The following PCDH9 variants were observed in gnomAD, a reference collection of about 807,000 sequenced individuals.
PCDH9 encodes protocadherin 9.
A neutral mutation model predicts 70.6 loss-of-function variants in PCDH9; 24 were observed. The ratio of observed to expected loss-of-function variants is 0.34; its 90% CI spans 0.25 to 0.48. The LOEUF is 0.48. Among genes scored for constraint, PCDH9 ranks in the 20% least tolerant of loss-of-function variants. The probability of loss-of-function intolerance (pLI) is 0.99; values close to 1 mark genes in which losing one functional copy is unlikely to be tolerated. For missense variants in PCDH9, 1,281 were observed against 1,503.6 expected, an observed-to-expected ratio of 0.85 and a Z score of 2.45; for synonymous variants, 562 against 558.5, an observed-to-expected ratio of 1.01 and a Z score of -0.09.
intron 4 of PCDH9, among the ~76,000 whole-genome samples, chr13:66,508,839 T>G (rs191994904): frequency 6.6e-6 from 1 of 152,344 alleles, no homozygotes; most frequent in African/African-American, 2.4e-5. Context: ...TACTTTCTTT[T>G]GGAAAATTCT....
chr13:67,001,675 T>A (rs73507326), intron 2 of PCDH9, among the ~76,000 whole-genome samples: 2 of 152,106 alleles, frequency 1.3e-5, no homozygotes, highest in African/African-American at 4.8e-5. Flanking sequence ...GTACGCTTAG[T>A]GGGGCAGAGG....
At chr13:66,332,999 T>A (rs961790448) in intron 4 of PCDH9, among the ~76,000 whole-genome samples, 3 of 152,116 alleles carry the variant, frequency 2.0e-5, no homozygotes, top group Non-Finnish European at 4.4e-5. Flanking sequence ...CTTACATTGA[T>A]GCTGACAGAT....
chr13:67,015,701 C>G (rs1179709012), intron 2 of PCDH9, among the ~76,000 whole-genome samples: 1 of 152,128 alleles, frequency 6.6e-6, no homozygotes, highest in South Asian at 2.1e-4. Flanking sequence ...ATTCAACATC[C>G]ACCTACTATT....
chr13:66,981,757 A>C (rs1227494009), intron 2 of PCDH9, among the ~76,000 whole-genome samples: 2 of 152,172 alleles, frequency 1.3e-5, no homozygotes, highest in Non-Finnish European at 2.9e-5. Flanking sequence ...ATTGTTAAAT[A>C]CTTAAAATAA....
intron 4 of PCDH9, among the ~76,000 whole-genome samples, chr13:66,408,397 T>C (rs1267464610): frequency 1.3e-5 from 2 of 152,222 alleles, no homozygotes; most frequent in African/African-American, 4.8e-5. Context: ...ACTTAAATGT[T>C]AGTAAATGTA....
intron 2 of PCDH9, among the ~76,000 whole-genome samples, chr13:67,046,797 T>C (rs1158157937): frequency 6.6e-6 from 1 of 151,606 alleles, no homozygotes; most frequent in East Asian, 1.9e-4. Flanking sequence ...GAGGAGAAAA[T>C]ATAAACTTAT....
chr13:66,712,928 A>G (rs2146747), intron 3 of PCDH9, among the ~76,000 whole-genome samples: 148,717 of 152,264 alleles, frequency 0.98, 72,733 homozygotes, highest in East Asian at 1. Flanking sequence ...AAACATGAAA[A>G]AGGATAATTA....
intron 3 of PCDH9, among the ~76,000 whole-genome samples, chr13:66,669,507 G>A (rs2078143368): frequency 6.6e-6 from 1 of 152,166 alleles, no homozygotes; most frequent in Non-Finnish European, 1.5e-5. Context: ...GTAAATTGAA[G>A]ATGTGTGAAT....
Position 67,166,967 on chromosome 13 carries a change from A to T in PCDH9, c.3036+58438T>A, listed in dbSNP as rs1594602543. Among the ~76,000 whole-genome samples, 4 of 152,342 alleles carry T rather than the reference A, an allele frequency of 2.6e-5. No individual in the cohort carries two copies. In the South Asian group the frequency reaches 8.3e-4, roughly 32 times the overall value. ...ACTAAAAAGCAAGGGTTCTTTACAC[A>T]GTGCCATTAATAATTACATAATTTA... is the stretch of plus-strand genomic sequence containing the variant. On this transcript the variant is annotated intron_variant, in intron 2 of 4. Transcript: ENST00000377865.
chr13:67,028,609 A>C (rs2084839916), intron 2 of PCDH9, among the ~76,000 whole-genome samples: 1 of 152,026 alleles, frequency 6.6e-6, no homozygotes, highest in African/African-American at 2.4e-5. Flanking sequence ...GTACACATCA[A>C]GAAAACAAAA....
intron 4 of PCDH9, among the ~76,000 whole-genome samples, chr13:66,417,197 G>T (rs1175764395): frequency 6.6e-6 from 1 of 151,868 alleles, no homozygotes; most frequent in African/African-American, 2.4e-5. Flanking sequence ...CCATCAACAG[G>T]CCCCAGTGTA....
At chr13:66,799,537 A>G (rs1339175280) in intron 3 of PCDH9, among the ~76,000 whole-genome samples, 3 of 152,300 alleles carry the variant, frequency 2.0e-5, no homozygotes, top group South Asian at 2.1e-4. Flanking sequence ...ATATTCAGTA[A>G]TTAACTGCTA....
At chr13:66,965,037 A>G (rs939798586) in intron 2 of PCDH9, among the ~76,000 whole-genome samples, 8 of 152,102 alleles carry the variant, frequency 5.3e-5, no homozygotes, top group Non-Finnish European at 8.8e-5. Flanking sequence ...TTAGAAATGA[A>G]TAAAGTATTT....
At chr13:66,373,409 G>C (rs7999650) in intron 4 of PCDH9, among the ~76,000 whole-genome samples, 3,583 of 151,960 alleles carry the variant, frequency 0.024, 140 homozygotes, top group African/African-American at 0.082. Context: ...AAATATTCTG[G>C]AGATTAGTTG....
chr13:66,362,015 T>A (rs1956479451), intron 4 of PCDH9, among the ~76,000 whole-genome samples: 1 of 152,172 alleles, frequency 6.6e-6, no homozygotes, highest in Non-Finnish European at 1.5e-5. Context: ...TTAGGGAAAG[T>A]TTTATTTTAA....
chr13:66,753,939 TGTTA>T (rs1050596021), intron 3 of PCDH9, among the ~76,000 whole-genome samples: 22 of 152,222 alleles, frequency 1.4e-4, no homozygotes, highest in Admixed American at 2.6e-4. Flanking sequence ...CATATTCTTC[TGTTA>T]GTTAGAAATG....
intron 2 of PCDH9, among the ~76,000 whole-genome samples, chr13:67,026,411 T>C (rs1208418751): frequency 6.6e-6 from 1 of 152,088 alleles, no homozygotes; most frequent in Non-Finnish European, 1.5e-5. Flanking sequence ...ATGGGACGTA[T>C]CTCAAAATAA....
At chr13:67,179,328 A>T (rs17519698) in intron 2 of PCDH9, among the ~76,000 whole-genome samples, 4,517 of 152,182 alleles carry the variant, frequency 0.03, 127 homozygotes, top group Admixed American at 0.088. Context: ...TTTAATTTAA[A>T]CATCTGCACA....
intron 2 of PCDH9, among the ~76,000 whole-genome samples, chr13:67,193,487 T>C (rs1199765072): frequency 6.6e-6 from 1 of 152,076 alleles, no homozygotes; most frequent in Non-Finnish European, 1.5e-5. Flanking sequence ...TAAAAATAAA[T>C]TCAGGAAAGT....
Sources: gnomAD v4.1 joint callset for allele counts (sites outside exome capture counted in the v4.1 genomes callset) on GRCh38, gnomAD v4.1.1 for gene constraint, MANE v1.5 for transcripts, NCBI Gene and HGNC (gene_info 2026-07-23, HGNC 2026-07-21) for gene names.